CNPPD1: variants seen among roughly 807,000 people sequenced by gnomAD.
CNPPD1 encodes protein CNPPD1.
A neutral mutation model predicts 43.7 loss-of-function variants in CNPPD1; 40 were observed. The ratio of observed to expected loss-of-function variants is 0.92; its 90% confidence interval spans 0.71 to 1.19. The LOEUF (loss-of-function observed/expected upper bound fraction) is 1.19. CNPPD1 is among the 50% of genes most tolerant of loss of function. The pLI, the probability that CNPPD1 is intolerant of heterozygous loss-of-function variation, is 0.00. For synonymous variants in CNPPD1, 208 were observed against 214.3 expected (o/e 0.97, Z 0.26); for missense variants, 511 against 518.5 (o/e 0.99, Z 0.14).
At position 219,174,832 on chromosome 2, in the gene CNPPD1, C is replaced by T; in HGVS notation, c.456G>A (p.Gly152=). The change falls in exon 5 of 8, where the codon GGG becomes GGA. Residue 152 remains glycine, a synonymous_variant. Coordinates refer to ENST00000360507, the MANE Select transcript of CNPPD1 (RefSeq NM_015680.6). ...EVFNDEWGAA[G]GVAVPTLNAL... ...CATTGAGAGTGGGCACGGCCACACC[C>T]CCAGCAGCTCCCCATTCGTCGTTGA... 6.2e-7 allele frequency: 1 copy of T among 1,613,968 alleles called. No individual in the cohort carries two copies. The highest frequency in any genetic ancestry group is 8.5e-7 in the Non-Finnish European group (1 of 1,179,888).
chr2:219,176,974 T>A (rs1449878230), upstream of CNPPD1: 4 of 620,304 alleles, frequency 6.4e-6, no homozygotes, highest in South Asian at 6.7e-5. Context: ...CGCAGCTCCC[T>A]CCCCCCGGCG....
intron 2 of CNPPD1, 141 bp downstream of exon 2, chr2:219,176,082 A>C: frequency 1.6e-6 from 1 of 641,320 alleles, no homozygotes; most frequent in East Asian, 2.7e-5. Flanking sequence ...GGGAAATGCA[A>C]ACTGCCCTCT....
intron 5 of CNPPD1, among the ~76,000 whole-genome samples, chr2:219,174,506 C>A (rs569358970): frequency 6.6e-6 from 1 of 152,122 alleles, no homozygotes; most frequent in Non-Finnish European, 1.5e-5. Context: ...ATTCAGAACC[C>A]AATAGGATAA....
intron 1 of CNPPD1, 94 bp from the exon 2 acceptor site, chr2:219,176,425 C>T: frequency 1.0e-6 from 1 of 979,322 alleles, no homozygotes; most frequent in South Asian, 1.4e-5. Context: ...GGGGACAGGC[C>T]GGCCTCGCTG....
upstream of CNPPD1, chr2:219,178,044 A>C: frequency 1.1e-5 from 2 of 176,074 alleles, no homozygotes; most frequent in African/African-American, 2.4e-5. Context: ...CTACTGTGGG[A>C]TAAGAAAACG....
chr2:219,172,749 C>T lies in CNPPD1; in HGVS notation c.1070G>A (p.Arg357His), dbSNP rs775031807. 5.8e-5 allele frequency: 94 copies of T among 1,610,638 alleles called. No homozygotes were observed. The highest frequency in any genetic ancestry group is 7.2e-5 in the Non-Finnish European group (85 of 1,178,420). The stretch of plus-strand genomic sequence containing the variant: ...GCTGGACAGCGCAGTGGGGACTGTA[C>T]GGTTGGGGTGGAGGCAGGCATGGCA... ...PTCHACLHPN[R>H]TVPTALSSPW... Residue 357 changes from arginine (R) to histidine (H), a missense_variant, in exon 8 of 8, where the codon CGT becomes CAT. Physicochemically the swap from Arg to His is conservative, Grantham distance 29. Coordinates refer to ENST00000360507, the MANE Select transcript of CNPPD1 (RefSeq NM_015680.6).
At chr2:219,173,878 G>GTAATC (rs1436995989) in intron 6 of CNPPD1, among the ~76,000 whole-genome samples, 1 of 152,102 alleles carries the variant, frequency 6.6e-6, no homozygotes, top group Non-Finnish European at 1.5e-5. Flanking sequence ...CTGGACCCAA[G>GTAATC]TAATCCTCCA....
chr2:219,174,695 A>G lies in CNPPD1; in HGVS notation c.510+83T>C. On this transcript the variant is annotated intron_variant, in intron 5 of 7. Coordinates refer to ENST00000360507, the MANE Select transcript of CNPPD1 (RefSeq NM_015680.6). ...ACAGGAAGAGAAATGACGAACCAAC[A>G]GAAGACTGAGAGAGAACAAAGGACT... 6 of 1,502,144 alleles carry G rather than the reference A, an allele frequency of 4.0e-6. No individual in the cohort carries two copies. In the South Asian group the frequency reaches 8.0e-5, roughly 20 times the overall value. The allele number at this position is 1,502,144 out of a possible 1,614,324, so 93.1% of individuals were successfully genotyped here.
At chr2:219,173,151 G>A (rs1215748773) in intron 7 of CNPPD1, 23 bp from the exon 8 acceptor site, 6 of 1,544,372 alleles carry the variant, frequency 3.9e-6, no homozygotes, top group African/African-American at 1.4e-5. Context: ...AGATAAGAAA[G>A]AAGGAATCTG....
At position 219,174,327 on chromosome 2, in the gene CNPPD1, T is replaced by C. The variant is rs1266000202; in HGVS notation, c.511-120A>G. On this transcript the variant is annotated intron_variant, in intron 5 of 7. Transcript: ENST00000360507. ...GCTAATGCATATTTGGCACTTACCATGTGCCAGATACTGTCTCAAAAGTTT... is the reference window on the plus strand; with the variant it reads ...GCTAATGCATATTTGGCACTTACCACGTGCCAGATACTGTCTCAAAAGTTT... 5.1e-6 allele frequency: 5 copies of C among 974,640 alleles called. No individual in the cohort carries two copies. The African/African-American group carries it at 6.4e-5, about 12-fold the overall frequency. 60.4% of individuals were successfully genotyped at this position (974,640 alleles called of 1,614,324 possible). A position where few individuals can be genotyped will look rare whatever the true frequency, so the allele number is the denominator to read the frequency against.
At position 219,172,602 on chromosome 2, in the gene CNPPD1, A is replaced by G. The variant is rs537003352; in HGVS notation, c.1217T>C (p.Phe406Ser). Residue 406 changes from phenylalanine to serine, a missense_variant, in exon 8 of 8, where the codon TTC becomes TCC. Transcript: ENST00000360507. ...SVMELARLKSFVFPG is the reference protein window; with the variant it reads ...SVMELARLKSSVFPG Reference sequence around the variant, plus strand: ...CAGCCCTACCTAGCCTGGGAAAACGAAAGACTTGAGGCGAGCCAGCTCCAT... The same window carrying G: ...CAGCCCTACCTAGCCTGGGAAAACGGAAGACTTGAGGCGAGCCAGCTCCAT... 5.6e-6 allele frequency: 9 copies of G among 1,614,162 alleles called. No individual in the cohort carries two copies. In the African/African-American group the frequency reaches 9.3e-5, roughly 17 times the overall value.
intron 1 of CNPPD1, 101 bp downstream of exon 1, chr2:219,176,659 T>G: frequency 1.1e-6 from 1 of 937,686 alleles, no homozygotes; most frequent in Non-Finnish European, 1.6e-6. Flanking sequence ...CTCGAGCAGC[T>G]GCCGCCCAGT....
intron 7 of CNPPD1, 72 bp downstream of exon 7, chr2:219,173,278 C>A: frequency 3.4e-6 from 5 of 1,483,456 alleles, no homozygotes; most frequent in Non-Finnish European, 4.7e-6. Context: ...GGCTTTTCAG[C>A]AATCACTTCA....
At chr2:219,176,661 C>T (rs1015878363) in intron 1 of CNPPD1, 99 bp downstream of exon 1, 4 of 948,520 alleles carry the variant, frequency 4.2e-6, no homozygotes, top group Non-Finnish European at 6.3e-6. Context: ...CGAGCAGCTG[C>T]CGCCCAGTCC....
chr2:219,176,165 CTGA>C, intron 2 of CNPPD1, 55 bp downstream of exon 2: 1 of 1,303,662 alleles, frequency 7.7e-7, no homozygotes, highest in South Asian at 1.2e-5. Context: ...CATTTTCTGC[CTGA>C]TGACAATCCC....
chr2:219,175,378 T>C (rs1390506264), intron 3 of CNPPD1, among the ~76,000 whole-genome samples: 2 of 151,706 alleles, frequency 1.3e-5, no homozygotes, highest in Non-Finnish European at 2.9e-5. Context: ...GTGCCTGTAG[T>C]CCCAGCTACT....
Position 219,172,677 on chromosome 2 carries a change from G to A in CNPPD1, c.1142C>T (p.Pro381Leu), listed in dbSNP as rs370935573. ...AGGCTGAGGAAGTGAAAGGAGCACC[G>A]GGCTCCAAGGCCAGGGGGGAGCCAG... Reference protein sequence around the residue: ...YGLAPPWPWSPVLLSLPQPQQ... With the variant: ...YGLAPPWPWSLVLLSLPQPQQ... The change falls in exon 8 of 8, where the codon CCG becomes CTG. Residue 381 changes from proline (P) to leucine (L), a missense_variant. By Grantham distance (98) the Pro-to-Leu change is moderately conservative (BLOSUM62 -3). Transcript: ENST00000360507. 32 of 1,613,914 alleles carry A rather than the reference G, an allele frequency of 2.0e-5. No individual in the cohort carries two copies. Among genetic ancestry groups the A allele is most frequent in the East Asian group, 1.8e-4 (8 of 44,892 alleles).
Position 219,172,712 on chromosome 2 carries a change from A to G in CNPPD1, c.1107T>C (p.His369=), listed in dbSNP as rs1950090895. The part of the protein sequence containing the change: ...VPTALSSPWY[H]TYGLAPPWPW... ...GCCAGGGGGGAGCCAGGCCATAGGT[A>G]TGGTACCAGGGGCTGGACAGCGCAG... is the stretch of plus-strand genomic sequence containing the variant. The change falls in exon 8 of 8, where the codon CAT becomes CAC. Residue 369 remains histidine (H), a synonymous_variant. Coordinates refer to ENST00000360507, the MANE Select transcript of CNPPD1 (RefSeq NM_015680.6). 6.2e-7 allele frequency: 1 copy of G among 1,613,898 alleles called. No individual in the cohort carries two copies. The highest frequency in any genetic ancestry group is 8.5e-7 in the Non-Finnish European group (1 of 1,179,888).
At chr2:219,174,338 C>A in intron 5 of CNPPD1, 131 bp from the exon 6 acceptor site, 2 of 902,518 alleles carry the variant, frequency 2.2e-6, no homozygotes, top group South Asian at 1.4e-5. Context: ...GTGCCAGATA[C>A]TGTCTCAAAA....
Sources: gnomAD v4.1 joint callset for allele counts (sites outside exome capture counted in the v4.1 genomes callset) on GRCh38, gnomAD v4.1.1 for gene constraint, MANE v1.5 for transcripts, NCBI Gene and HGNC (gene_info 2026-07-23, HGNC 2026-07-21) for gene names.